The following PDGFC variants were observed in gnomAD, a reference collection of about 807,000 sequenced individuals.
PDGFC encodes the protein platelet derived growth factor C.
A neutral mutation model predicts 35.5 loss-of-function variants in PDGFC; 12 were observed. The observed-to-expected ratio is 0.34, with a 90% CI of 0.22 to 0.55. The LOEUF is 0.55. Ranked by LOEUF, PDGFC falls within the 20% of genes least tolerant of loss-of-function variation. PDGFC has a pLI of 0.91. For synonymous variants in PDGFC, 159 were observed against 148.8 expected (o/e 1.07, Z -0.50); for missense variants, 322 against 412.4 (o/e 0.78, Z 1.90).
chr4:156,864,347 T>C (rs1256090454), intron 1 of PDGFC, among the ~76,000 whole-genome samples: 1 of 152,136 alleles, frequency 6.6e-6, no homozygotes, highest in East Asian at 1.9e-4. Flanking sequence ...ATTAAATTCA[T>C]ACTTGGAATT....
chr4:156,799,341 C>T (rs1731533643), intron 3 of PDGFC, among the ~76,000 whole-genome samples: 1 of 152,102 alleles, frequency 6.6e-6, no homozygotes, highest in East Asian at 1.9e-4. Context: ...TTGGAAATTC[C>T]CCCCTCAGTT....
chr4:156,790,129 C>G (rs886687063), intron 3 of PDGFC, among the ~76,000 whole-genome samples: 1 of 152,000 alleles, frequency 6.6e-6, no homozygotes, highest in Non-Finnish European at 1.5e-5. Flanking sequence ...TATTTATTTT[C>G]TCTGTATTTT....
chr4:156,953,241 T>C (rs1376204802), intron 1 of PDGFC, among the ~76,000 whole-genome samples: 1 of 151,916 alleles, frequency 6.6e-6, no homozygotes, highest in African/African-American at 2.4e-5. Context: ...CAGTCACCAA[T>C]TGTTTTGAAA....
chr4:156,796,491 A>ATTTTTTTTTTTTTTTTTTTTTTTTTTTTT (rs35891804), intron 3 of PDGFC, among the ~76,000 whole-genome samples: 4 of 101,626 alleles, frequency 3.9e-5, no homozygotes, highest in Non-Finnish European at 6.2e-5. Context: ...ACCACTTTGT[A>ATTTTTTTTTTTTTTTTTTTTTTTTTTTTT]TTTTTTTTTT....
At chr4:156,932,861 C>T (rs1040349440) in intron 1 of PDGFC, among the ~76,000 whole-genome samples, 29 of 151,308 alleles carry the variant, frequency 1.9e-4, no homozygotes, top group African/African-American at 6.3e-4. Flanking sequence ...CTAACCTGCA[C>T]GTTGTGCACA....
intron 1 of PDGFC, among the ~76,000 whole-genome samples, chr4:156,937,859 T>A (rs1397094906): frequency 6.6e-6 from 1 of 152,000 alleles, no homozygotes; most frequent in African/African-American, 2.4e-5. Context: ...ACTTGATTCA[T>A]GGTGGAAAAA....
intron 1 of PDGFC, among the ~76,000 whole-genome samples, chr4:156,926,405 G>A (rs1731414131): frequency 6.6e-6 from 1 of 152,072 alleles, no homozygotes; most frequent in South Asian, 2.1e-4. Context: ...GATAAAGGCA[G>A]GGTCCCTGGC....
At chr4:156,802,461 T>C (rs1275993410) in intron 3 of PDGFC, among the ~76,000 whole-genome samples, 2 of 151,986 alleles carry the variant, frequency 1.3e-5, no homozygotes, top group African/African-American at 4.8e-5. Context: ...CAAATCTGCT[T>C]TCCTCTTGGC....
Position 156,772,750 on chromosome 4 carries a change from T to C in PDGFC, c.639A>G (p.Glu213=). Residue 213 remains glutamate, a synonymous_variant, in exon 4 of 6, where the codon GAA becomes GAG. Coordinates refer to ENST00000502773, the MANE Select transcript of PDGFC (RefSeq NM_016205.3). The part of the protein sequence containing the change: ...LEPERWQLDL[E]DLYRPTWQLL... Reference sequence around the variant, plus strand: ...GTTGCCAAGTTGGCCTATATAGATCTTCTAAGTCCAACTGCCATCTCTCTG... The same window carrying C: ...GTTGCCAAGTTGGCCTATATAGATCCTCTAAGTCCAACTGCCATCTCTCTG... 2 of 1,613,650 alleles carry C rather than the reference T, an allele frequency of 1.2e-6. No individual in the cohort carries two copies. Among genetic ancestry groups the C allele is most frequent in the Non-Finnish European group, 1.7e-6 (2 of 1,179,674 alleles).
rs1730375612 is a variant in PDGFC, at chr4:156,761,555, A to G, written c.*1535T>C. Reference sequence around the variant, plus strand: ...TGCTAAATGAAAATCATAACAGAAAATTTTATCTTTCATTTTCTCAGAGTC... The same window carrying G: ...TGCTAAATGAAAATCATAACAGAAAGTTTTATCTTTCATTTTCTCAGAGTC... On this transcript the variant is annotated 3_prime_UTR_variant, in exon 6 of 6. Coordinates refer to ENST00000502773, the MANE Select transcript of PDGFC (RefSeq NM_016205.3). 2 of 152,342 alleles carry G rather than the reference A, an allele frequency of 1.3e-5. No homozygotes were observed. The highest frequency in any genetic ancestry group is 4.8e-5 in the African/African-American group (2 of 41,438). The allele number at this position is 152,342 out of a possible 1,614,324, so 9.4% of individuals were successfully genotyped here.
chr4:156,824,327 T>TATATATATATATATATATATATAC (rs1491500876), intron 2 of PDGFC, among the ~76,000 whole-genome samples: 1 of 102,838 alleles, frequency 9.7e-6, no homozygotes. Context: ...TATATATATA[T>TATATATATATATATATATATATAC]ACACACACAC....
At chr4:156,896,134 C>T (rs1449012486) in intron 1 of PDGFC, among the ~76,000 whole-genome samples, 2 of 152,016 alleles carry the variant, frequency 1.3e-5, no homozygotes, top group Non-Finnish European at 2.9e-5. Flanking sequence ...ACATAATGTA[C>T]CTCTTTACCA....
At chr4:156,798,274 G>A (rs1235051679) in intron 3 of PDGFC, among the ~76,000 whole-genome samples, 2 of 152,182 alleles carry the variant, frequency 1.3e-5, no homozygotes. Context: ...CCTCATTTAA[G>A]AGAAGTAAAA....
intron 2 of PDGFC, among the ~76,000 whole-genome samples, chr4:156,844,618 T>G (rs1173496029): frequency 6.6e-6 from 1 of 151,654 alleles, no homozygotes; most frequent in Non-Finnish European, 1.5e-5. Flanking sequence ...CATAAGAAAG[T>G]TGAAAGTAAA....
intron 1 of PDGFC, among the ~76,000 whole-genome samples, chr4:156,896,369 C>A (rs1039739119): frequency 3.3e-5 from 5 of 152,086 alleles, no homozygotes; most frequent in Non-Finnish European, 7.4e-5. Context: ...TTCAAAACAA[C>A]CCTGACAGGT....
chr4:156,909,961 G>C lies in PDGFC; in HGVS notation c.119-59545C>G, dbSNP rs568626340. 2.0e-5 allele frequency among the ~76,000 whole-genome samples: 3 copies of C among 152,092 alleles called. No homozygotes were observed. The East Asian group carries it at 5.8e-4, about 29-fold the overall frequency. On this transcript the variant is annotated intron_variant, in intron 1 of 5. Transcript: ENST00000502773. ...AGGGGGAAAATCATGAGAAAATAAA[G>C]GTAAAAACTAGAATGATCAATCTAC...
At chr4:156,862,333 T>A (rs961044255) in intron 1 of PDGFC, among the ~76,000 whole-genome samples, 1 of 152,104 alleles carries the variant, frequency 6.6e-6, no homozygotes, top group African/African-American at 2.4e-5. Context: ...ACAGAAATAA[T>A]AAAATTATTT....
intron 1 of PDGFC, among the ~76,000 whole-genome samples, chr4:156,889,241 G>T (rs2111190005): frequency 6.6e-6 from 1 of 152,146 alleles, no homozygotes; most frequent in South Asian, 2.1e-4. Context: ...ATACCCAGTG[G>T]TGATTACAAA....
At chr4:156,855,875 G>A (rs1173117209) in intron 1 of PDGFC, among the ~76,000 whole-genome samples, 2 of 152,114 alleles carry the variant, frequency 1.3e-5, no homozygotes, top group African/African-American at 2.4e-5. Flanking sequence ...CTGGCTCCAT[G>A]AGCTGGTGTG....
Sources: gnomAD v4.1 joint callset for allele counts (sites outside exome capture counted in the v4.1 genomes callset) on GRCh38, gnomAD v4.1.1 for gene constraint, MANE v1.5 for transcripts, NCBI Gene and HGNC (gene_info 2026-07-23, HGNC 2026-07-21) for gene names.